The following SLC35F2 variants were observed in gnomAD, a reference collection of about 807,000 sequenced individuals.
SLC35F2 encodes queuine/queuosine transporter SLC35F2.
SLC35F2 carries 25 observed loss-of-function variants against 38.1 expected under a neutral mutation model. The observed-to-expected ratio is 0.66, with a 90% confidence interval of 0.48 to 0.92. The LOEUF (loss-of-function observed/expected upper bound fraction) is 0.92, where lower values mean the gene tolerates loss of function less well. SLC35F2 is among the 40% of genes least tolerant of loss of function. The probability of loss-of-function intolerance (pLI) is 0.00; values close to 1 mark genes in which losing one functional copy is unlikely to be tolerated. For synonymous variants in SLC35F2, 173 were observed against 181.7 expected (o/e 0.95, Z 0.38); for missense variants, 409 against 452.9 (o/e 0.90, Z 0.88).
chr11:107,849,634 G>A (rs1210665852), intron 1 of SLC35F2, among the ~76,000 whole-genome samples: 4 of 70,618 alleles, frequency 5.7e-5, no homozygotes, highest in Admixed American at 1.7e-4. Flanking sequence ...GCAAGACTCC[G>A]TTTTGGGAAA....
At chr11:107,850,636 A>G (rs1252472144) in intron 1 of SLC35F2, among the ~76,000 whole-genome samples, 1 of 152,076 alleles carries the variant, frequency 6.6e-6, no homozygotes, top group Non-Finnish European at 1.5e-5. Flanking sequence ...AGCCTGGCCA[A>G]CATGGTGAAA....
At chr11:107,821,493 A>T (rs916473147) in intron 1 of SLC35F2, 2 of 985,300 alleles carry the variant, frequency 2.0e-6, no homozygotes, top group Non-Finnish European at 2.4e-6. Context: ...TGAGCAAAGG[A>T]AGAAAGAAGA....
intron 2 of SLC35F2, among the ~76,000 whole-genome samples, chr11:107,812,577 G>A (rs1859499157): frequency 6.6e-6 from 1 of 152,112 alleles, no homozygotes; most frequent in Non-Finnish European, 1.5e-5. Context: ...AATACATGCT[G>A]GACTTAATAC....
intron 3 of SLC35F2, among the ~76,000 whole-genome samples, chr11:107,811,393 C>G (rs1440568867): frequency 6.6e-6 from 1 of 152,186 alleles, no homozygotes; most frequent in African/African-American, 2.4e-5. Flanking sequence ...GTCAACACCA[C>G]AGCATCAACT....
intron 1 of SLC35F2, among the ~76,000 whole-genome samples, chr11:107,853,465 T>C (rs1354427222): frequency 6.6e-6 from 1 of 152,002 alleles, no homozygotes; most frequent in Admixed American, 6.6e-5. Flanking sequence ...ACGCCTGTAA[T>C]CCCAGCACTT....
intron 1 of SLC35F2, 65 bp downstream of exon 1, chr11:107,858,593 G>T: frequency 1.6e-6 from 2 of 1,227,624 alleles, no homozygotes; most frequent in Non-Finnish European, 2.1e-6. Flanking sequence ...CCTTGTCCAC[G>T]TGCGCGCAGG....
At chr11:107,843,307 C>T (rs1860040792) in intron 1 of SLC35F2, among the ~76,000 whole-genome samples, 1 of 152,114 alleles carries the variant, frequency 6.6e-6, no homozygotes, top group Non-Finnish European at 1.5e-5. Context: ...GTGGCTGATG[C>T]CTGTAATCCC....
At chr11:107,816,131 T>A in intron 1 of SLC35F2, 166 bp from the exon 2 acceptor site, 3 of 985,286 alleles carry the variant, frequency 3.0e-6, no homozygotes, top group Non-Finnish European at 3.6e-6. Context: ...TGTTAGTTAC[T>A]GAAGGACTAC....
chr11:107,794,325 C>T (rs557614671), intron 7 of SLC35F2, among the ~76,000 whole-genome samples: 9 of 152,226 alleles, frequency 5.9e-5, no homozygotes, highest in Middle Eastern at 3.4e-3. Flanking sequence ...GTGATCCGCT[C>T]GCCTTGGCCT....
At chr11:107,858,131 A>T (rs1161092641) in intron 1 of SLC35F2, among the ~76,000 whole-genome samples, 1 of 152,208 alleles carries the variant, frequency 6.6e-6, no homozygotes, top group Non-Finnish European at 1.5e-5. Flanking sequence ...CACCTCGCTC[A>T]GGCCCAGGAA....
At chr11:107,847,278 T>G (rs1860115692) in intron 1 of SLC35F2, among the ~76,000 whole-genome samples, 1 of 152,164 alleles carries the variant, frequency 6.6e-6, no homozygotes. Context: ...CTTGAACTCC[T>G]GAGCTCCAGA....
intron 1 of SLC35F2, among the ~76,000 whole-genome samples, chr11:107,819,781 A>G (rs1296843991): frequency 2.0e-5 from 3 of 152,206 alleles, no homozygotes; most frequent in Admixed American, 1.3e-4. Flanking sequence ...TCATTGTTCA[A>G]TTAATACCTA....
chr11:107,832,662 C>A (rs676108), intron 1 of SLC35F2, among the ~76,000 whole-genome samples: 60 of 151,846 alleles, frequency 4.0e-4, no homozygotes, highest in African/African-American at 1.4e-3. Context: ...AAAAATTAGC[C>A]GGGTATGATG....
chr11:107,803,940 C>G (rs1200551124), intron 6 of SLC35F2, among the ~76,000 whole-genome samples: 1 of 152,058 alleles, frequency 6.6e-6, no homozygotes, highest in African/African-American at 2.4e-5. Context: ...ATTCTCCTGT[C>G]TCAGCCTCCC....
chr11:107,802,984 G>A lies in SLC35F2; in HGVS notation c.939+17C>T, dbSNP rs2305288. On this transcript the variant is annotated intron_variant, in intron 7 of 7. Coordinates refer to ENST00000525815, the MANE Select transcript of SLC35F2 (RefSeq NM_017515.5). Reference sequence around the variant, plus strand: ...TCCAAGCAAGTATTCTTATTTGAACGTGATCTATTTGTTTACCTTATAGCC... The same window carrying A: ...TCCAAGCAAGTATTCTTATTTGAACATGATCTATTTGTTTACCTTATAGCC... 133,699 of 1,587,348 alleles carry A rather than the reference G, an allele frequency of 0.084. 11,272 individuals are homozygous for A. The highest frequency in any genetic ancestry group is 0.44 in the East Asian group (19,460 of 43,968).
chr11:107,817,981 C>T (rs1488025059), intron 1 of SLC35F2, among the ~76,000 whole-genome samples: 10 of 149,242 alleles, frequency 6.7e-5, no homozygotes, highest in African/African-American at 1.5e-4. Context: ...CGCTTGAACC[C>T]GGGAGGCGGA....
At chr11:107,816,091 G>T (rs1859570120) in intron 1 of SLC35F2, 126 bp from the exon 2 acceptor site, 1 of 1,300,090 alleles carries the variant, frequency 7.7e-7, no homozygotes, top group East Asian at 3.0e-5. Flanking sequence ...ATTCCAGGTG[G>T]TTCTTCATTT....
In SLC35F2 at chr11:107,811,742, C is replaced by A. The variant is rs1218851503; in HGVS notation, c.339G>T (p.Leu113=). Residue 113 remains leucine (L), a synonymous_variant, in exon 3 of 8, where the codon CTG becomes CTT. Coordinates refer to ENST00000525815, the MANE Select transcript of SLC35F2 (RefSeq NM_017515.5). The stretch of plus-strand genomic sequence containing the variant: ...TAGCTTCCACATCTGCTAGTCCCAG[C>A]AGGATGTACTTCCACCATTTTCTTT... ...ILKRKWWKYI[L]LGLADVEANY... is the part of the protein sequence containing the mutation. The A allele has an allele frequency of 6.2e-7, 1 of 1,613,574 alleles. No homozygotes were observed. Among genetic ancestry groups the A allele is most frequent in the Non-Finnish European group, 8.5e-7 (1 of 1,179,490 alleles).
rs764361259 is a variant in SLC35F2, at chr11:107,803,120, A to C, written c.820T>G (p.Cys274Gly). ...LFVAFALCMFCLYSFMPLVIK... is the reference protein window; with the variant it reads ...LFVAFALCMFGLYSFMPLVIK... ...ACCAATGGCATGAAGCTGTACAGGC[A>C]AAACATACACAGGGCAAATGCCACG... The change falls in exon 7 of 8, where the codon TGC becomes GGC. Residue 274 changes from cysteine to glycine, a missense_variant. Physicochemically the swap from Cys to Gly is radical, Grantham distance 159. Transcript: ENST00000525815. 3 of 1,613,206 alleles carry C rather than the reference A, an allele frequency of 1.9e-6. No individual in the cohort carries two copies. The African/African-American group carries it at 4.0e-5, about 22-fold the overall frequency.
Sources: gnomAD v4.1 joint callset for allele counts (sites outside exome capture counted in the v4.1 genomes callset) on GRCh38, gnomAD v4.1.1 for gene constraint, MANE v1.5 for transcripts, NCBI Gene and HGNC (gene_info 2026-07-23, HGNC 2026-07-21) for gene names.